HDAC9: variants seen among roughly 807,000 people sequenced by gnomAD.
The protein encoded by HDAC9 is histone deacetylase 9, also known as MEF-2 interacting transcription repressor (MITR) protein.
In HDAC9, 41 loss-of-function variants were observed where a neutral mutation model predicts 139.4. The ratio of observed to expected loss-of-function variants is 0.29; its 90% CI spans 0.23 to 0.38. HDAC9 has a LOEUF of 0.38. Ranked by LOEUF, HDAC9 falls within the 10% of genes least tolerant of loss-of-function variation. The pLI, the probability that HDAC9 is intolerant of heterozygous loss-of-function variation, is 1.00. For missense variants in HDAC9, 1,147 were observed against 1,297.0 expected (o/e 0.88, Z 1.78); for synonymous variants, 517 against 476.2 (o/e 1.09, Z -1.12).
At chr7:18,707,035 A>C (rs1442544187) in intron 12 of HDAC9, among the ~76,000 whole-genome samples, 1 of 152,164 alleles carries the variant, frequency 6.6e-6, no homozygotes, top group Non-Finnish European at 1.5e-5. Context: ...TACCCCCAAG[A>C]AGAAAGTGTG....
Position 18,732,894 on chromosome 7 carries a change from C to CACACACGTGTGCGTATGTGT in HDAC9, c.1909+5143_1909+5144insGTGTGCGTATGTGTACACAC, listed in dbSNP as rs1562893378. On this transcript the variant is annotated intron_variant, in intron 13 of 25. Coordinates refer to ENST00000686413, the MANE Select transcript of HDAC9 (RefSeq NM_178425.4). ...ACACACACACGTGTGCGTATGTGTACACACACACGTGTGCGTATGTGTATA... is the reference window on the plus strand; with the variant it reads ...ACACACACACGTGTGCGTATGTGTACACACACGTGTGCGTATGTGTACACACACGTGTGCGTATGTGTATA... Among the ~76,000 whole-genome samples the CACACACGTGTGCGTATGTGT allele has an allele frequency of 5.8e-4, 23 of 39,332 alleles. 7 individuals carry two copies. The highest frequency in any genetic ancestry group is 2.5e-3 in the African/African-American group (15 of 6,056). 25.8% of individuals were successfully genotyped at this position (39,332 alleles called of 152,430 possible). A position where few individuals can be genotyped will look rare whatever the true frequency, so the allele number is the denominator to read the frequency against.
intron 13 of HDAC9, among the ~76,000 whole-genome samples, chr7:18,738,358 T>A (rs1787124507): frequency 6.6e-6 from 1 of 152,246 alleles, no homozygotes; most frequent in African/African-American, 2.4e-5. Flanking sequence ...ATAGCATCAA[T>A]GGTCTTTACA....
intron 2 of HDAC9, among the ~76,000 whole-genome samples, chr7:18,557,187 G>A (rs1198886899): frequency 6.6e-6 from 1 of 151,900 alleles, no homozygotes; most frequent in Non-Finnish European, 1.5e-5. Context: ...GCCAGAAGAC[G>A]CTCTTTTGGA....
At chr7:18,407,938 C>A (rs1439772138) in intron 1 of HDAC9, among the ~76,000 whole-genome samples, 1 of 152,108 alleles carries the variant, frequency 6.6e-6, no homozygotes, top group East Asian at 1.9e-4. Context: ...AGAAGAAACA[C>A]TTTGGATTCT....
intron 2 of HDAC9, among the ~76,000 whole-genome samples, chr7:18,242,278 T>A (rs1794239773): frequency 6.6e-6 from 1 of 152,250 alleles, no homozygotes; most frequent in Non-Finnish European, 1.5e-5. Context: ...TGAAATTGTG[T>A]GACTTAACAA....
intron 24 of HDAC9, among the ~76,000 whole-genome samples, chr7:18,962,360 A>G (rs145465342): frequency 7.2e-5 from 11 of 152,228 alleles, no homozygotes; most frequent in African/African-American, 1.9e-4. Context: ...ACTTGTACAC[A>G]TGGCTTTGTG....
At chr7:18,431,003 G>A (rs973081161) in intron 1 of HDAC9, among the ~76,000 whole-genome samples, 2 of 146,556 alleles carry the variant, frequency 1.4e-5, no homozygotes, top group Non-Finnish European at 3.0e-5. Flanking sequence ...GCCTTGCATT[G>A]CTTATCCTAT....
At chr7:18,500,104 C>T (rs1020420148) in intron 2 of HDAC9, among the ~76,000 whole-genome samples, 4 of 151,942 alleles carry the variant, frequency 2.6e-5, no homozygotes, top group African/African-American at 7.3e-5. Flanking sequence ...TAAATGGGCT[C>T]ATTGAGAATG....
At chr7:18,921,710 C>T (rs1300157309) in intron 22 of HDAC9, among the ~76,000 whole-genome samples, 1 of 152,110 alleles carries the variant, frequency 6.6e-6, no homozygotes, top group African/African-American at 2.4e-5. Context: ...CCATTTGACC[C>T]AGCCATCCCA....
chr7:18,677,439 C>T (rs1003662151), intron 12 of HDAC9, among the ~76,000 whole-genome samples: 1 of 151,746 alleles, frequency 6.6e-6, no homozygotes, highest in African/African-American at 2.4e-5. Context: ...AATGAAACTA[C>T]CATGAATATC....
At chr7:18,195,372 G>A (rs1051784012) in intron 2 of HDAC9, among the ~76,000 whole-genome samples, 35 of 152,128 alleles carry the variant, frequency 2.3e-4, no homozygotes, top group Admixed American at 9.2e-4. Context: ...CTTTAATGGG[G>A]TCTGGGATGG....
chr7:18,666,079 A>T (rs999596851), intron 11 of HDAC9, 134 bp from the exon 12 acceptor site: 1 of 976,280 alleles, frequency 1.0e-6, no homozygotes, highest in Non-Finnish European at 1.5e-6. Context: ...CTTGTTGCCT[A>T]CAAGTTCATT....
intron 2 of HDAC9, among the ~76,000 whole-genome samples, chr7:18,278,837 T>A (rs1156473444): frequency 6.6e-6 from 1 of 152,124 alleles, no homozygotes; most frequent in Non-Finnish European, 1.5e-5. Flanking sequence ...TGAAGAGGTG[T>A]TTAGTAATTC....
intron 1 of HDAC9, among the ~76,000 whole-genome samples, chr7:18,483,940 A>G (rs1240594762): frequency 7.1e-6 from 1 of 141,568 alleles, no homozygotes; most frequent in African/African-American, 2.6e-5. Context: ...GAAGGCCAAT[A>G]TATTCTACTA....
chr7:18,161,643 G>C (rs1258657129), intron 1 of HDAC9, among the ~76,000 whole-genome samples: 1 of 152,118 alleles, frequency 6.6e-6, no homozygotes, highest in Non-Finnish European at 1.5e-5. Flanking sequence ...CTGTTAGTCT[G>C]ACTCCTAGAA....
chr7:18,871,568 AGAT>A (rs774305117), intron 21 of HDAC9, among the ~76,000 whole-genome samples: 74 of 152,324 alleles, frequency 4.9e-4, no homozygotes, highest in Admixed American at 3.7e-3. Context: ...ATATTGGAAA[AGAT>A]GAGAGGCAAA....
intron 1 of HDAC9, among the ~76,000 whole-genome samples, chr7:18,095,852 A>T (rs567726922): frequency 6.6e-6 from 1 of 152,364 alleles, no homozygotes; most frequent in Admixed American, 6.5e-5. Flanking sequence ...GTTTAAAAGT[A>T]TAAAGATGCA....
intron 14 of HDAC9, among the ~76,000 whole-genome samples, 165 bp from the exon 15 acceptor site, chr7:18,761,992 C>G (rs994368030): frequency 6.6e-6 from 1 of 152,164 alleles, no homozygotes; most frequent in African/African-American, 2.4e-5. Context: ...CTTCCATACA[C>G]TCATTTTTCA....
intron 1 of HDAC9, among the ~76,000 whole-genome samples, chr7:18,374,218 T>TAC (rs112345551): frequency 3.9e-4 from 56 of 145,312 alleles, no homozygotes; most frequent in South Asian, 1.5e-3. Context: ...TATATATATA[T>TAC]ACACACACAC....
Sources: gnomAD v4.1 joint callset for allele counts (sites outside exome capture counted in the v4.1 genomes callset) on GRCh38, gnomAD v4.1.1 for gene constraint, MANE v1.5 for transcripts, NCBI Gene and HGNC (gene_info 2026-07-23, HGNC 2026-07-21) for gene names.